Variants in RBFOX3 observed in about 807,000 individuals in gnomAD.
RBFOX3 encodes the protein RNA binding protein fox-1 homolog 3.
In RBFOX3, 17 loss-of-function variants were observed where a neutral mutation model predicts 48.7. The ratio of observed to expected loss-of-function variants is 0.35; its 90% CI spans 0.24 to 0.52. The LOEUF (loss-of-function observed/expected upper bound fraction) is 0.52, where lower values mean the gene tolerates loss of function less well. Ranked by LOEUF, RBFOX3 falls within the 20% of genes least tolerant of loss-of-function variation. The probability of loss-of-function intolerance (pLI) is 0.94; values close to 1 mark genes in which losing one functional copy is unlikely to be tolerated. For synonymous variants in RBFOX3, 212 were observed against 209.5 expected (o/e 1.01, Z -0.10); for missense variants, 382 against 497.5 (o/e 0.77, Z 2.21).
chr17:79,528,221 G>A (rs2087082896), intron 1 of RBFOX3, among the ~76,000 whole-genome samples: 1 of 152,030 alleles, frequency 6.6e-6, no homozygotes, highest in Non-Finnish European at 1.5e-5. Context: ...GAACCTCTGA[G>A]GTGTCTCTGA....
chr17:79,259,145 G>A (rs1336142177), intron 3 of RBFOX3, among the ~76,000 whole-genome samples: 1 of 152,252 alleles, frequency 6.6e-6, no homozygotes, highest in Non-Finnish European at 1.5e-5. Context: ...GCACTGGTGG[G>A]TACTGAATGC....
rs934073913 is a variant in RBFOX3, at chr17:79,364,305, C to A, written c.-174-56481G>T. On this transcript the variant is annotated intron_variant, in intron 2 of 14. Transcript: ENST00000693108. This position sits in a 1 kb window ranked among gnomAD's most constrained non-coding sequence, Gnocchi z 5.1. ...AATCTCCATTTCCTGTTGTTCCTGG[C>A]ATGCTGTTTTAGGACAGTCCTGAAC... 1.3e-5 allele frequency among the ~76,000 whole-genome samples: 2 copies of A among 152,330 alleles called. No homozygotes were observed. Among genetic ancestry groups the A allele is most frequent in the Admixed American group, 1.3e-4 (2 of 15,298 alleles).
chr17:79,602,786 G>A (rs1252939302), intron 1 of RBFOX3, among the ~76,000 whole-genome samples: 1 of 152,118 alleles, frequency 6.6e-6, no homozygotes, highest in Non-Finnish European at 1.5e-5. Flanking sequence ...CAGCCTGCGC[G>A]GTAAGCGATG....
At chr17:79,276,146 T>C (rs1339173941) in intron 3 of RBFOX3, among the ~76,000 whole-genome samples, 1 of 152,102 alleles carries the variant, frequency 6.6e-6, no homozygotes, top group Non-Finnish European at 1.5e-5. Context: ...ATGATTCCAT[T>C]CACGTGACAC....
chr17:79,153,135 GT>G (rs1568238081), intron 4 of RBFOX3, among the ~76,000 whole-genome samples: 1 of 152,190 alleles, frequency 6.6e-6, no homozygotes, highest in Non-Finnish European at 1.5e-5. Context: ...GTCCAGCTGT[GT>G]CTGCCCCCGA....
At chr17:79,610,125 C>T (rs1472919247) in intron 1 of RBFOX3, among the ~76,000 whole-genome samples, 3 of 152,068 alleles carry the variant, frequency 2.0e-5, no homozygotes, top group Non-Finnish European at 4.4e-5. Context: ...GCTCGCCCCT[C>T]GCTGCTCGGC....
chr17:79,318,812 G>A (rs148036156), intron 2 of RBFOX3, among the ~76,000 whole-genome samples: 11,425 of 132,220 alleles, frequency 0.086, 565 homozygotes, highest in Middle Eastern at 0.14. Flanking sequence ...CCGAGATTGC[G>A]CCACTGCACT....
chr17:79,170,405 A>T (rs1446446018), intron 4 of RBFOX3, among the ~76,000 whole-genome samples: 1 of 151,874 alleles, frequency 6.6e-6, no homozygotes, highest in Admixed American at 6.5e-5. Context: ...CTGGAGCCTG[A>T]GGGAGGGCTC....
In RBFOX3 at chr17:79,242,908, C is replaced by T. The variant is rs574878296; in HGVS notation, c.-73-7103G>A. The stretch of plus-strand genomic sequence containing the variant: ...TCAAGGTCCTTCTAGGCACTCTAGG[C>T]CTTCAGCTGTGCTCCAGTGGGGCCT... On this transcript the variant is annotated intron_variant, in intron 3 of 14. Transcript: ENST00000693108. This position sits in a 1 kb window ranked among gnomAD's most constrained non-coding sequence, Gnocchi z 5.8. Among the ~76,000 whole-genome samples, 1 of 152,288 alleles carries T rather than the reference C, an allele frequency of 6.6e-6. No homozygotes were observed. The highest frequency in any genetic ancestry group is 1.9e-4 in the East Asian group (1 of 5,188).
rs1179039964 is a variant in RBFOX3 at position 79,362,119 on chromosome 17, A to C, written c.-174-54295T>G. Among the ~76,000 whole-genome samples the C allele has an allele frequency of 1.8e-4, 27 of 152,030 alleles. No individual in the cohort carries two copies. Among genetic ancestry groups the C allele is most frequent in the Non-Finnish European group, 1.5e-5 (1 of 67,960 alleles). ...CACTCCCTTCGAGAGAATCCACTCC[A>C]CTGCCAGCTCACACACAGCCCTCCA... On this transcript the variant is annotated intron_variant, in intron 2 of 14. Transcript: ENST00000693108. The surrounding 1 kb of genome is among the most constrained non-coding windows in gnomAD (Gnocchi z 4.2).
intron 4 of RBFOX3, among the ~76,000 whole-genome samples, chr17:79,215,742 T>C (rs146356631): frequency 3.0e-4 from 46 of 152,382 alleles, no homozygotes; most frequent in African/African-American, 1.1e-3. Context: ...TTGGCTCTGC[T>C]GTAGGCAGCC....
intron 3 of RBFOX3, among the ~76,000 whole-genome samples, chr17:79,306,854 T>C (rs942628100): frequency 7.3e-5 from 11 of 151,550 alleles, no homozygotes; most frequent in African/African-American, 1.2e-4. Flanking sequence ...AGCCTGGGCG[T>C]TGGGCCTCTG....
chr17:79,170,094 T>G (rs1274834824), intron 4 of RBFOX3, among the ~76,000 whole-genome samples: 10 of 93,300 alleles, frequency 1.1e-4, no homozygotes, highest in African/African-American at 4.2e-4. Context: ...GAAGGAAGGA[T>G]GGAAAGCAGG....
chr17:79,593,020 G>C (rs1234732170), intron 1 of RBFOX3, among the ~76,000 whole-genome samples: 1 of 152,106 alleles, frequency 6.6e-6, no homozygotes, highest in Non-Finnish European at 1.5e-5. Context: ...AAGCCTGAGT[G>C]CTCGGAGGTG....
At chr17:79,556,374 A>G (rs1365833307) in intron 1 of RBFOX3, among the ~76,000 whole-genome samples, 3 of 152,186 alleles carry the variant, frequency 2.0e-5, no homozygotes, top group African/African-American at 7.2e-5. Context: ...CAGGAGGAGG[A>G]GTGCCCGTGT....
intron 4 of RBFOX3, among the ~76,000 whole-genome samples, chr17:79,157,693 C>A (rs555666909): frequency 6.6e-6 from 1 of 152,294 alleles, no homozygotes; most frequent in Admixed American, 6.5e-5. Flanking sequence ...AGGGCATCAA[C>A]AGTCCCTCCC....
chr17:79,160,961 C>T (rs961677141), intron 4 of RBFOX3, among the ~76,000 whole-genome samples: 1 of 126,468 alleles, frequency 7.9e-6, no homozygotes, highest in African/African-American at 3.0e-5. Context: ...GTCTCGGCAA[C>T]AAGAGCGAGA....
intron 1 of RBFOX3, among the ~76,000 whole-genome samples, chr17:79,603,197 G>T (rs1284694695): frequency 2.6e-5 from 4 of 152,100 alleles, no homozygotes; most frequent in African/African-American, 9.7e-5. Context: ...TCACCATGTT[G>T]ACCAGGCTGG....
At chr17:79,427,080 C>T (rs12452860) in intron 2 of RBFOX3, among the ~76,000 whole-genome samples, 20,630 of 152,182 alleles carry the variant, frequency 0.14, 1,457 homozygotes, top group Admixed American at 0.17. Context: ...CCTCAGTTCC[C>T]GCCAATCCCG....
Sources: gnomAD v4.1 joint callset for allele counts (sites outside exome capture counted in the v4.1 genomes callset) on GRCh38, gnomAD v4.1.1 for gene constraint, Gnocchi (gnomAD v3.1) non-coding constraint, MANE v1.5 for transcripts, NCBI Gene and HGNC (gene_info 2026-07-23, HGNC 2026-07-21) for gene names.